Variants in DOP1B observed in about 807,000 individuals in gnomAD.
DOP1B encodes the protein protein DOP1B.
In DOP1B, 174 loss-of-function variants were observed where a neutral mutation model predicts 233.5. The observed-to-expected ratio is 0.75, with a 90% CI of 0.66 to 0.85. DOP1B has a LOEUF of 0.85. Among genes scored for constraint, DOP1B ranks in the 40% least tolerant of loss-of-function variants. The probability of loss-of-function intolerance (pLI) is 0.00; values close to 1 mark genes in which losing one functional copy is unlikely to be tolerated. For missense variants in DOP1B, 2,652 were observed against 2,846.6 expected, an observed-to-expected ratio of 0.93 and a Z score of 1.56; for synonymous variants, 1,190 against 1,185.6, an observed-to-expected ratio of 1.00 and a Z score of -0.08.
At chr21:36,171,040 T>C (rs893703437) in intron 2 of DOP1B, among the ~76,000 whole-genome samples, 3 of 152,086 alleles carry the variant, frequency 2.0e-5, no homozygotes, top group Non-Finnish European at 4.4e-5. Context: ...GCTAAGGAGT[T>C]GACGTGCATT....
chr21:36,214,559 A>C lies in DOP1B; in HGVS notation c.1129+3A>C. 6.2e-7 allele frequency: 1 copy of C among 1,612,784 alleles called. No individual in the cohort carries two copies. Among genetic ancestry groups the C allele is most frequent in the Non-Finnish European group, 8.5e-7 (1 of 1,179,204 alleles). On this transcript the variant is annotated splice_donor_region_variant and intron_variant, in intron 9 of 36. Coordinates refer to ENST00000691173, the MANE Select transcript of DOP1B (RefSeq NM_001320714.2). ...TCTGCTTGACAAGCCAGAAATAGGT[A>C]ATGTTAGAAATGCTGCTTCTATCCT...
chr21:36,176,967 C>T (rs767925305), intron 2 of DOP1B, among the ~76,000 whole-genome samples: 3 of 152,122 alleles, frequency 2.0e-5, no homozygotes, highest in Non-Finnish European at 2.9e-5. Context: ...CACAGGCATG[C>T]GCCACCACAC....
At chr21:36,184,687 C>T (rs1384395021) in intron 2 of DOP1B, among the ~76,000 whole-genome samples, 1 of 152,184 alleles carries the variant, frequency 6.6e-6, no homozygotes, top group East Asian at 1.9e-4. Flanking sequence ...TCTGCGTTCC[C>T]CTCCTTGGTG....
chr21:36,284,595 C>T (rs2067461603), intron 32 of DOP1B, among the ~76,000 whole-genome samples: 1 of 152,008 alleles, frequency 6.6e-6, no homozygotes, highest in Non-Finnish European at 1.5e-5. Context: ...CCCCATCTCA[C>T]ACTCCTCTCA....
chr21:36,256,857 A>C (rs773274517), intron 23 of DOP1B, among the ~76,000 whole-genome samples: 3 of 152,196 alleles, frequency 2.0e-5, no homozygotes, highest in Non-Finnish European at 2.9e-5. Flanking sequence ...TCTCCCCACC[A>C]GCAAGCAAGC....
chr21:36,249,073 C>G (rs2067003321), intron 21 of DOP1B, among the ~76,000 whole-genome samples: 1 of 151,106 alleles, frequency 6.6e-6, no homozygotes, highest in Non-Finnish European at 1.5e-5. Flanking sequence ...CCACTGCACC[C>G]CAGCCTGGGC....
chr21:36,197,780 C>T (rs961082364), intron 2 of DOP1B, among the ~76,000 whole-genome samples: 7 of 152,052 alleles, frequency 4.6e-5, no homozygotes, highest in African/African-American at 1.4e-4. Context: ...GAGGCCGAGG[C>T]GGGTGGATCC....
At chr21:36,253,565 T>C (rs2067055615) in intron 22 of DOP1B, among the ~76,000 whole-genome samples, 1 of 151,448 alleles carries the variant, frequency 6.6e-6, no homozygotes. Context: ...AATACAAAAC[T>C]TAGCTGGGCG....
chr21:36,289,264 T>C (rs2067527520), intron 35 of DOP1B, 58 bp downstream of exon 35: 1 of 1,558,556 alleles, frequency 6.4e-7, no homozygotes, highest in Non-Finnish European at 8.8e-7. Context: ...TTTTTCCTTT[T>C]AAGCACTTTC....
At chr21:36,191,931 A>C (rs1297134319) in intron 2 of DOP1B, among the ~76,000 whole-genome samples, 1 of 152,184 alleles carries the variant, frequency 6.6e-6, no homozygotes, top group Admixed American at 6.5e-5. Context: ...TTAAGGGCAC[A>C]GTTCAGTGGT....
chr21:36,220,210 A>G lies in DOP1B; in HGVS notation c.1250+718A>G, dbSNP rs73377405. On this transcript the variant is annotated intron_variant, in intron 10 of 36. Transcript: ENST00000691173. ...AATGTTAATATTTTTCTGGTTTGTT[A>G]GTTGTAAGTGTACTAAGAGTTCTTA... 5.7e-3 allele frequency among the ~76,000 whole-genome samples: 866 copies of G among 152,188 alleles called. 6 individuals carry two copies. Among genetic ancestry groups the G allele is most frequent in the African/African-American group, 0.02 (814 of 41,528 alleles).
At chr21:36,175,393 G>A (rs2066011750) in intron 2 of DOP1B, among the ~76,000 whole-genome samples, 2 of 152,006 alleles carry the variant, frequency 1.3e-5, no homozygotes, top group Admixed American at 1.3e-4. Flanking sequence ...TTACAGGCGT[G>A]AGCCACCACG....
intron 12 of DOP1B, among the ~76,000 whole-genome samples, chr21:36,226,809 G>A (rs1025592618): frequency 9.2e-5 from 14 of 152,128 alleles, no homozygotes; most frequent in Admixed American, 8.5e-4. Context: ...GCCCAGGCTG[G>A]TCTCGAACTC....
In DOP1B at chr21:36,219,445, C is replaced by G; in HGVS notation, c.1203C>G (p.Gly401=). 1.2e-6 allele frequency: 2 copies of G among 1,614,138 alleles called. No homozygotes were observed. The highest frequency in any genetic ancestry group is 1.7e-6 in the Non-Finnish European group (2 of 1,180,028). ...ATTCTTACTGCAGAGATGCCCTTGG[C>G]TCTGATCTTAAACTTAGCTACACCC... ...AFYSYCRDAL[G]SDLKLSYTQS... The change falls in exon 10 of 37, where the codon GGC becomes GGG. Residue 401 remains glycine (G), a synonymous_variant. Coordinates refer to ENST00000691173, the MANE Select transcript of DOP1B (RefSeq NM_001320714.2).
chr21:36,289,168 G>A lies in DOP1B; in HGVS notation c.6477G>A (p.Ala2159=), dbSNP rs112991413. Residue 2159 remains alanine (A), a synonymous_variant, in exon 35 of 37, where the codon GCG becomes GCA. Coordinates refer to ENST00000691173, the MANE Select transcript of DOP1B (RefSeq NM_001320714.2). Reference sequence around the variant, plus strand: ...CAGCTTGCAAATTCTTGGACACAGCGCTTTCTTTTCCACCTGACAAGATGC... The same window carrying A: ...CAGCTTGCAAATTCTTGGACACAGCACTTTCTTTTCCACCTGACAAGATGC... ...YLSACKFLDT[A]LSFPPDKMPL... 1,589 of 1,613,926 alleles carry A rather than the reference G, an allele frequency of 9.8e-4. 15 individuals are homozygous for A. In the African/African-American group the frequency reaches 0.016, roughly 16 times the overall value.
intron 27 of DOP1B, among the ~76,000 whole-genome samples, chr21:36,272,984 CAAAAAAAAAAAA>C (rs1167312513): frequency 5.3e-5 from 3 of 56,916 alleles, no homozygotes; most frequent in African/African-American, 1.5e-4. Flanking sequence ...AACTCCATCT[CAAAAAAAAAAAA>C]AAAAAAAAAA....
chr21:36,288,187 G>T, intron 33 of DOP1B, 37 bp downstream of exon 33: 1 of 1,577,712 alleles, frequency 6.3e-7, no homozygotes, highest in Non-Finnish European at 8.6e-7. Context: ...AGCAAGGTTG[G>T]AGCTTTTTAA....
intron 15 of DOP1B, among the ~76,000 whole-genome samples, chr21:36,236,727 T>C (rs4817787): frequency 0.72 from 109,349 of 151,382 alleles, 39,865 homozygotes; most frequent in East Asian, 0.96. Flanking sequence ...GCCTGCTGCC[T>C]GGATGACTTT....
intron 32 of DOP1B, among the ~76,000 whole-genome samples, chr21:36,286,584 C>T (rs547361437): frequency 5.3e-5 from 8 of 151,262 alleles, no homozygotes; most frequent in Non-Finnish European, 1.0e-4. Context: ...TGCAGTGAGC[C>T]GAGATCGCAC....
Sources: gnomAD v4.1 joint callset for allele counts (sites outside exome capture counted in the v4.1 genomes callset) on GRCh38, gnomAD v4.1.1 for gene constraint, MANE v1.5 for transcripts, NCBI Gene and HGNC (gene_info 2026-07-23, HGNC 2026-07-21) for gene names.